CHSY3: variants seen among roughly 807,000 people sequenced by gnomAD.
CHSY3 encodes N-acetylgalactosaminyl-proteoglycan 3-beta-glucuronosyltransferase 3.
Under a neutral mutation model 67.2 loss-of-function variants are expected in CHSY3, and 35 were observed. The observed-to-expected ratio is 0.52, with a 90% confidence interval of 0.40 to 0.69. The LOEUF (loss-of-function observed/expected upper bound fraction) is 0.69, where lower values mean the gene tolerates loss of function less well. Ranked by LOEUF, CHSY3 falls within the 30% of genes least tolerant of loss-of-function variation. CHSY3 has a pLI of 0.00. For synonymous variants in CHSY3, 474 were observed against 434.7 expected (o/e 1.09, Z -1.12); for missense variants, 1,069 against 1,138.5 (o/e 0.94, Z 0.88).
intron 2 of CHSY3, among the ~76,000 whole-genome samples, chr5:130,162,747 T>A (rs1769594897): frequency 6.6e-6 from 1 of 152,080 alleles, no homozygotes; most frequent in Non-Finnish European, 1.5e-5. Context: ...TCTCTCCAAC[T>A]AGAAGCATTG....
At chr5:129,994,199 C>CTCT (rs1409955102) in intron 2 of CHSY3, among the ~76,000 whole-genome samples, 4 of 152,062 alleles carry the variant, frequency 2.6e-5, no homozygotes, top group African/African-American at 4.8e-5. Context: ...CTTGGAGTTG[C>CTCT]TCTTCTCGAG....
intron 2 of CHSY3, among the ~76,000 whole-genome samples, chr5:130,150,941 G>A (rs1769216966): frequency 1.3e-5 from 2 of 152,158 alleles, no homozygotes; most frequent in African/African-American, 4.8e-5. Context: ...TCATGTGTTT[G>A]TGTGGGTCTG....
intron 2 of CHSY3, among the ~76,000 whole-genome samples, chr5:129,972,206 C>T (rs961765012): frequency 1.3e-5 from 2 of 151,926 alleles, no homozygotes; most frequent in Non-Finnish European, 2.9e-5. Flanking sequence ...ATGACATAAC[C>T]AGTCCCCAAG....
At chr5:130,169,514 A>AT (rs1769840900) in intron 2 of CHSY3, among the ~76,000 whole-genome samples, 1 of 152,092 alleles carries the variant, frequency 6.6e-6, no homozygotes, top group Non-Finnish European at 1.5e-5. Flanking sequence ...ACACTCACAG[A>AT]AGTATATGTT....
chr5:130,118,465 CACAT>C (rs907098389), intron 2 of CHSY3, among the ~76,000 whole-genome samples: 3 of 150,924 alleles, frequency 2.0e-5, no homozygotes, highest in Non-Finnish European at 4.4e-5. Context: ...CACACATATA[CACAT>C]ACATATATAT....
intron 1 of CHSY3, among the ~76,000 whole-genome samples, chr5:129,906,982 T>C (rs1760329683): frequency 6.6e-6 from 1 of 152,178 alleles, no homozygotes; most frequent in Admixed American, 6.5e-5. Flanking sequence ...TAGAAAATAC[T>C]GATAATTGGA....
At chr5:129,958,023 G>A (rs1321017263) in intron 2 of CHSY3, among the ~76,000 whole-genome samples, 2 of 151,636 alleles carry the variant, frequency 1.3e-5, no homozygotes, top group African/African-American at 2.4e-5. Flanking sequence ...GGCTGATTCC[G>A]CTTTATGTTC....
At chr5:130,170,830 GT>G (rs57988811) in intron 2 of CHSY3, among the ~76,000 whole-genome samples, 46,955 of 148,556 alleles carry the variant, frequency 0.32, 7,599 homozygotes, top group Admixed American at 0.43. Flanking sequence ...TTTTAATCAA[GT>G]TTTTTTTTTT....
intron 2 of CHSY3, among the ~76,000 whole-genome samples, chr5:130,085,048 A>C (rs1008332753): frequency 1.3e-5 from 2 of 151,998 alleles, no homozygotes; most frequent in African/African-American, 4.8e-5. Context: ...AAGAAAGTAT[A>C]ATGAGGCATA....
chr5:130,152,189 C>T (rs1260652658), intron 2 of CHSY3, among the ~76,000 whole-genome samples: 1 of 152,148 alleles, frequency 6.6e-6, no homozygotes, highest in African/African-American at 2.4e-5. Context: ...AGCCACTGTT[C>T]CAGCATTAAC....
intron 1 of CHSY3, among the ~76,000 whole-genome samples, chr5:129,906,967 T>A (rs947485304): frequency 2.0e-5 from 3 of 152,172 alleles, no homozygotes; most frequent in Non-Finnish European, 4.4e-5. Flanking sequence ...TAGAGCAGGT[T>A]GGAATAGAAA....
intron 2 of CHSY3, among the ~76,000 whole-genome samples, chr5:130,133,446 G>A (rs1768547059): frequency 6.6e-6 from 1 of 151,956 alleles, no homozygotes; most frequent in Non-Finnish European, 1.5e-5. Context: ...CCTAAAAGCT[G>A]GTTTTCAAAA....
chr5:129,905,675 C>T, intron 1 of CHSY3, 44 bp downstream of exon 1: 1 of 1,598,980 alleles, frequency 6.3e-7, no homozygotes, highest in Non-Finnish European at 8.5e-7. Context: ...GTCTCCCCGA[C>T]TCCTTTCTCT....
At chr5:129,968,439 A>G (rs1280066459) in intron 2 of CHSY3, among the ~76,000 whole-genome samples, 5 of 151,860 alleles carry the variant, frequency 3.3e-5, no homozygotes, top group African/African-American at 4.8e-5. Context: ...GCAAACATAT[A>G]TTGAATATTG....
intron 2 of CHSY3, among the ~76,000 whole-genome samples, chr5:130,152,034 T>C (rs1769246637): frequency 1.3e-5 from 2 of 152,162 alleles, no homozygotes; most frequent in Non-Finnish European, 2.9e-5. Flanking sequence ...AGCCCAACAT[T>C]ATTCAAAATT....
upstream of CHSY3, among the ~76,000 whole-genome samples, chr5:129,904,020 G>A (rs1760126263): frequency 6.6e-6 from 1 of 152,166 alleles, no homozygotes; most frequent in Non-Finnish European, 1.5e-5. Context: ...AGCACGGTGG[G>A]ACAGCAACGA....
At chr5:129,956,507 G>C (rs964133650) in intron 2 of CHSY3, among the ~76,000 whole-genome samples, 5 of 151,960 alleles carry the variant, frequency 3.3e-5, no homozygotes, top group African/African-American at 1.2e-4. Context: ...TGTGGGTTGT[G>C]TATTTACTCA....
chr5:130,018,440 T>G (rs1343780050), intron 2 of CHSY3, among the ~76,000 whole-genome samples: 2 of 152,190 alleles, frequency 1.3e-5, no homozygotes, highest in African/African-American at 4.8e-5. Context: ...AACTTTGAAA[T>G]GGTCCTAGTA....
intron 2 of CHSY3, among the ~76,000 whole-genome samples, chr5:130,086,443 T>C (rs1477217609): frequency 6.6e-6 from 1 of 152,026 alleles, no homozygotes; most frequent in Non-Finnish European, 1.5e-5. Context: ...CCCTGCCTTT[T>C]TTTGTTTTCC....
Sources: allele counts gnomAD v4.1 joint callset (sites outside exome capture counted in the v4.1 genomes callset), GRCh38; gene constraint gnomAD v4.1.1; transcripts MANE v1.5; gene names NCBI Gene and HGNC (gene_info 2026-07-23, HGNC 2026-07-21).